The following GLMN variants were observed in gnomAD, a reference collection of about 807,000 sequenced individuals.
GLMN encodes glomulin, FKBP associated protein.
GLMN carries 75 observed loss-of-function variants against 87.8 expected under a neutral mutation model. The ratio of observed to expected loss-of-function variants is 0.85; its 90% CI spans 0.71 to 1.04. GLMN has a LOEUF of 1.04. Ranked by LOEUF, GLMN falls within the 50% of genes least tolerant of loss-of-function variation. The pLI is 0.00. For synonymous variants in GLMN, 206 were observed against 221.6 expected, an observed-to-expected ratio of 0.93 and a Z score of 0.63; for missense variants, 588 against 658.8, an observed-to-expected ratio of 0.89 and a Z score of 1.18.
At chr1:92,299,943 C>T (rs951490628), upstream of GLMN, among the ~76,000 whole-genome samples, 3 of 152,134 alleles carry the variant, frequency 2.0e-5, no homozygotes, top group African/African-American at 7.2e-5. Flanking sequence ...TGACCATCAT[C>T]GAGTGCACTT....
chr1:92,304,075 TGTAA>T, the GLMN span: 2 of 1,585,100 alleles, frequency 1.3e-6, no homozygotes, highest in South Asian at 1.2e-5. Context: ...AGCTGGGAAT[TGTAA>T]GTAACTCATT....
At position 92,297,336 on chromosome 1, in the gene GLMN, T is replaced by C. The variant is rs553098985; in HGVS notation, c.165+68A>G. ...CTTAAATGTTTGATGGATAAATGAC[T>C]GGATGAATAGCATCATGTGATTATT... On this transcript the variant is annotated intron_variant, in intron 3 of 18. Transcript: ENST00000370360. 4.0e-5 allele frequency: 64 copies of C among 1,583,838 alleles called. No homozygotes were observed. The Middle Eastern group carries it at 2.3e-3, about 56-fold the overall frequency.
intron 16 of GLMN, among the ~76,000 whole-genome samples, chr1:92,249,294 G>A (rs1322350728): frequency 7.7e-6 from 1 of 129,640 alleles, no homozygotes; most frequent in African/African-American, 2.9e-5. Flanking sequence ...GCTTCTTTAT[G>A]TTGATTTTTA....
At chr1:92,299,017 C>T (rs544184080), upstream of GLMN, 10 of 943,990 alleles carry the variant, frequency 1.1e-5, no homozygotes, top group South Asian at 1.6e-4. Context: ...CGTAGGGAGG[C>T]GGGGCCTCGG....
intron 1 of GLMN, 95 bp from the exon 2 acceptor site, chr1:92,298,124 T>C: frequency 1.5e-6 from 1 of 657,106 alleles, no homozygotes; most frequent in Non-Finnish European, 2.8e-6. Context: ...GTAAATACAA[T>C]AAAGAAAATG....
chr1:92,308,591 A>G, the GLMN span, among the ~76,000 whole-genome samples: 2 of 152,174 alleles, frequency 1.3e-5, no homozygotes, highest in African/African-American at 4.8e-5. Flanking sequence ...CTTCAAAACC[A>G]TTTACCAAAT....
chr1:92,338,177 G>A, the GLMN span, among the ~76,000 whole-genome samples: 1 of 152,020 alleles, frequency 6.6e-6, no homozygotes, highest in Non-Finnish European at 1.5e-5. Context: ...GTTTATATTT[G>A]AAAGTGAATG....
intron 7 of GLMN, 83 bp downstream of exon 7, chr1:92,286,407 A>C (rs1369467170): frequency 1.0e-5 from 7 of 681,320 alleles, no homozygotes; most frequent in Non-Finnish European, 1.8e-5. Context: ...TTTATTAATG[A>C]ATGTATCAAT....
At position 92,262,941 on chromosome 1, in the gene GLMN, T is replaced by C. The variant is rs754226080; in HGVS notation, c.1410-15A>G. 2 of 941,464 alleles carry C rather than the reference T, an allele frequency of 2.1e-6. No individual in the cohort carries two copies. The highest frequency in any genetic ancestry group is 3.2e-5 in the African/African-American group (2 of 61,920). The allele number at this position is 941,464 out of a possible 1,614,324, so 58.3% of individuals were successfully genotyped here. ...AAGCCATAATCCTGTTAATTAAAAA[T>C]ATATGTTACTTACAGTATGGTTTTA... is the stretch of plus-strand genomic sequence containing the variant. On this transcript the variant is annotated splice_polypyrimidine_tract_variant and intron_variant, in intron 15 of 18. Coordinates refer to ENST00000370360, the MANE Select transcript of GLMN (RefSeq NM_053274.3).
At chr1:92,369,037 G>A in the GLMN span, among the ~76,000 whole-genome samples, 1 of 152,182 alleles carries the variant, frequency 6.6e-6, no homozygotes, top group African/African-American at 2.4e-5. Flanking sequence ...TTCACCAGCA[G>A]ATAGCCTGTG....
chr1:92,354,096 A>C, the GLMN span, among the ~76,000 whole-genome samples: 273 of 152,280 alleles, frequency 1.8e-3, 3 homozygotes, highest in African/African-American at 6.0e-3. Flanking sequence ...GGTGGTGATG[A>C]CAGCAGTTAG....
At chr1:92,249,168 TCA>T (rs1248471252) in intron 16 of GLMN, among the ~76,000 whole-genome samples, 1 of 151,878 alleles carries the variant, frequency 6.6e-6, no homozygotes, top group Non-Finnish European at 1.5e-5. Flanking sequence ...TAGTATGATC[TCA>T]TTTTCTTTTT....
chr1:92,326,363 G>A, the GLMN span, among the ~76,000 whole-genome samples: 1 of 152,176 alleles, frequency 6.6e-6, no homozygotes, highest in Non-Finnish European at 1.5e-5. Flanking sequence ...TGGTGGAGAT[G>A]GCAGGGGGGT....
intron 7 of GLMN, among the ~76,000 whole-genome samples, chr1:92,285,421 A>G (rs1648616442): frequency 6.6e-6 from 1 of 152,058 alleles, no homozygotes; most frequent in Non-Finnish European, 1.5e-5. Flanking sequence ...CAATGAGAAC[A>G]CATGGACACA....
Position 92,297,985 on chromosome 1 carries a change from T to C in GLMN, c.15A>G (p.Glu5=). The C allele has an allele frequency of 2.7e-6, 4 of 1,493,108 alleles. No homozygotes were observed. Among genetic ancestry groups the C allele is most frequent in the Non-Finnish European group, 3.7e-6 (4 of 1,070,314 alleles). 92.5% of individuals were successfully genotyped at this position (1,493,108 alleles called of 1,614,324 possible). Residue 5 remains glutamate (E), a synonymous_variant, in exon 2 of 19, where the codon GAA becomes GAG. Transcript: ENST00000370360. MAVE[E]LQSIIKRCQI... is the part of the protein sequence containing the mutation. ...CACATCTCTTTATTATAGACTGAAG[T>C]TCCTCTACAGCCATTCTTATTTCTC...
chr1:92,287,353 C>CT (rs995023357), intron 6 of GLMN, among the ~76,000 whole-genome samples: 2 of 151,218 alleles, frequency 1.3e-5, no homozygotes, highest in African/African-American at 2.4e-5. Context: ...TGGTAAAAAA[C>CT]TTTTTTTTTG....
At chr1:92,333,445 C>T in the GLMN span, 17 of 1,613,384 alleles carry the variant, frequency 1.1e-5, no homozygotes, top group Middle Eastern at 1.7e-4. Context: ...GATTAGAAAA[C>T]GCATCGTACT....
At chr1:92,274,908 A>T (rs969487745) in intron 7 of GLMN, among the ~76,000 whole-genome samples, 1 of 152,024 alleles carries the variant, frequency 6.6e-6, no homozygotes, top group African/African-American at 2.4e-5. Context: ...TTCTTTCCCT[A>T]TCCAACCTGA....
the GLMN span, among the ~76,000 whole-genome samples, chr1:92,345,425 GAGGA>G: frequency 1.6e-4 from 22 of 133,762 alleles, no homozygotes; most frequent in Admixed American, 9.1e-4. Context: ...GAAAGAAAGA[GAGGA>G]AGGAAGGAAG....
Sources: gnomAD v4.1 joint callset for allele counts (sites outside exome capture counted in the v4.1 genomes callset) on GRCh38, gnomAD v4.1.1 for gene constraint, MANE v1.5 for transcripts, NCBI Gene and HGNC (gene_info 2026-07-23, HGNC 2026-07-21) for gene names.